IQCJ: variants seen among roughly 807,000 people sequenced by gnomAD.
The protein encoded by IQCJ is IQ motif containing J, also known as IQ domain-containing protein J.
IQCJ carries 9 observed loss-of-function variants against 11.0 expected under a neutral mutation model. The observed-to-expected ratio is 0.82, with a 90% confidence interval of 0.49 to 1.43. IQCJ has a LOEUF of 1.43. Among genes scored for constraint, IQCJ ranks in the 40% most tolerant of loss-of-function variants. The pLI is 0.00. For missense variants in IQCJ, 146 were observed against 133.2 expected (o/e 1.10, Z -0.47); for synonymous variants, 55 against 51.3 (o/e 1.07, Z -0.31).
chr3:159,174,182 T>C (rs903497591), intron 1 of IQCJ, among the ~76,000 whole-genome samples: 2 of 152,164 alleles, frequency 1.3e-5, no homozygotes, highest in Non-Finnish European at 2.9e-5. Context: ...TTGTATTCTC[T>C]TGTTCTTGTT....
intron 1 of IQCJ, among the ~76,000 whole-genome samples, chr3:159,166,364 A>T (rs1369067995): frequency 6.6e-6 from 1 of 152,222 alleles, no homozygotes; most frequent in Non-Finnish European, 1.5e-5. Context: ...AACACATAAC[A>T]GTTAGAAATC....
chr3:159,252,001 A>G (rs1327012937), intron 2 of IQCJ, among the ~76,000 whole-genome samples: 2 of 152,030 alleles, frequency 1.3e-5, no homozygotes, highest in East Asian at 3.9e-4. Context: ...TTGTTCTCCT[A>G]TTTTTTTCAT....
chr3:159,235,821 C>A (rs1398700991), intron 1 of IQCJ, among the ~76,000 whole-genome samples: 2 of 152,168 alleles, frequency 1.3e-5, no homozygotes, highest in African/African-American at 4.8e-5. Context: ...GTTGGTCAAA[C>A]AAGAACAATG....
chr3:159,168,031 C>A (rs1047078975), intron 1 of IQCJ, among the ~76,000 whole-genome samples: 6 of 152,128 alleles, frequency 3.9e-5, no homozygotes, highest in Non-Finnish European at 8.8e-5. Context: ...GGTGAGCTGG[C>A]CTTTTTCCCC....
intron 1 of IQCJ, among the ~76,000 whole-genome samples, chr3:159,174,736 T>G (rs868018552): frequency 6.6e-6 from 1 of 152,234 alleles, no homozygotes; most frequent in Non-Finnish European, 1.5e-5. Flanking sequence ...AGAAATTTAT[T>G]CATAATTTTG....
At chr3:159,198,950 G>A (rs1724155421) in intron 1 of IQCJ, among the ~76,000 whole-genome samples, 1 of 152,138 alleles carries the variant, frequency 6.6e-6, no homozygotes, top group Non-Finnish European at 1.5e-5. Context: ...CCATTTACCT[G>A]GCACAGTCAG....
intron 1 of IQCJ, among the ~76,000 whole-genome samples, chr3:159,222,061 T>C (rs1725583030): frequency 6.6e-6 from 1 of 152,066 alleles, no homozygotes; most frequent in South Asian, 2.1e-4. Flanking sequence ...GGGAACCATA[T>C]ACTAAAATTG....
chr3:159,133,558 A>G (rs1308721999), intron 1 of IQCJ, among the ~76,000 whole-genome samples: 3 of 152,180 alleles, frequency 2.0e-5, no homozygotes, highest in African/African-American at 7.2e-5. Flanking sequence ...TACACATTAT[A>G]TTATTTATGT....
At chr3:159,138,401 A>G (rs1720418043) in intron 1 of IQCJ, among the ~76,000 whole-genome samples, 1 of 152,228 alleles carries the variant, frequency 6.6e-6, no homozygotes, top group South Asian at 2.1e-4. Context: ...AAAAAAACCC[A>G]TAAAATTTTG....
At chr3:159,246,549 G>A (rs997363297) in intron 2 of IQCJ, among the ~76,000 whole-genome samples, 3 of 152,080 alleles carry the variant, frequency 2.0e-5, no homozygotes, top group Non-Finnish European at 4.4e-5. Flanking sequence ...TGGTTGCCTC[G>A]AGAATCCTTG....
chr3:159,206,220 T>A (rs1194832259), intron 1 of IQCJ, among the ~76,000 whole-genome samples: 1 of 152,230 alleles, frequency 6.6e-6, no homozygotes, highest in Non-Finnish European at 1.5e-5. Flanking sequence ...CTAGCCACCA[T>A]TTTCAGTATT....
chr3:159,128,690 A>C (rs926018398), intron 1 of IQCJ, among the ~76,000 whole-genome samples: 1 of 152,136 alleles, frequency 6.6e-6, no homozygotes, highest in Non-Finnish European at 1.5e-5. Flanking sequence ...CTGTGTGGCC[A>C]GATTAGTCTC....
intron 1 of IQCJ, among the ~76,000 whole-genome samples, chr3:159,126,310 C>T (rs1719676086): frequency 6.6e-6 from 1 of 152,150 alleles, no homozygotes; most frequent in Non-Finnish European, 1.5e-5. Flanking sequence ...CCTCTTAGGG[C>T]TGTGAAGAAC....
intron 1 of IQCJ, among the ~76,000 whole-genome samples, chr3:159,160,121 T>C (rs747987748): frequency 5.3e-4 from 81 of 152,178 alleles, no homozygotes; most frequent in Non-Finnish European, 8.4e-4. Flanking sequence ...CTAACTCTTC[T>C]GTATTTTCTA....
At chr3:159,242,874 T>G (rs1236590868) in intron 1 of IQCJ, among the ~76,000 whole-genome samples, 32 of 152,136 alleles carry the variant, frequency 2.1e-4, no homozygotes, top group Admixed American at 2.0e-3. Context: ...TCAAAATATA[T>G]TGATTGGGAA....
intron 1 of IQCJ, among the ~76,000 whole-genome samples, chr3:159,219,594 A>G (rs765055280): frequency 2.0e-5 from 3 of 152,188 alleles, no homozygotes; most frequent in African/African-American, 4.8e-5. Context: ...GGTTACTTGA[A>G]AAGAGAGTCA....
chr3:159,109,675 G>T (rs1718502580), intron 1 of IQCJ, among the ~76,000 whole-genome samples: 1 of 152,116 alleles, frequency 6.6e-6, no homozygotes, highest in Non-Finnish European at 1.5e-5. Context: ...GGGTGTGTGT[G>T]TGTGTGTCCT....
At chr3:159,094,275 A>T (rs868514337) in intron 1 of IQCJ, among the ~76,000 whole-genome samples, 3 of 151,632 alleles carry the variant, frequency 2.0e-5, no homozygotes, top group Non-Finnish European at 2.9e-5. Flanking sequence ...TAGATATTAG[A>T]TATTACAGAT....
chr3:159,225,820 C>T (rs1167736538), intron 1 of IQCJ, among the ~76,000 whole-genome samples: 1 of 152,166 alleles, frequency 6.6e-6, no homozygotes, highest in East Asian at 1.9e-4. Flanking sequence ...ACTACCCCAA[C>T]TTCAGATGCC....
Sources: allele counts gnomAD v4.1 joint callset (sites outside exome capture counted in the v4.1 genomes callset), GRCh38; gene constraint gnomAD v4.1.1; transcripts MANE v1.5; gene names NCBI Gene and HGNC (gene_info 2026-07-23, HGNC 2026-07-21).